Variants in R3HCC1L observed in about 807,000 individuals in gnomAD.
R3HCC1L encodes the protein coiled-coil domain-containing protein R3HCC1L.
R3HCC1L carries 51 observed loss-of-function variants against 59.9 expected under a neutral mutation model. That is an observed-to-expected ratio of 0.85 (90% confidence interval 0.68 to 1.07). The LOEUF is 1.07. Ranked by LOEUF, R3HCC1L falls within the 50% of genes least tolerant of loss-of-function variation. The probability of loss-of-function intolerance (pLI) is 0.00; values close to 1 mark genes in which losing one functional copy is unlikely to be tolerated. For missense variants in R3HCC1L, 965 were observed against 933.0 expected, an observed-to-expected ratio of 1.03 and a Z score of -0.45; for synonymous variants, 322 against 315.2, an observed-to-expected ratio of 1.02 and a Z score of -0.23.
At chr10:98,138,008 T>TGATG (rs1433367580) in intron 1 of R3HCC1L, among the ~76,000 whole-genome samples, 2 of 152,218 alleles carry the variant, frequency 1.3e-5, no homozygotes, top group Non-Finnish European at 2.9e-5. Context: ...CTGATGCTAA[T>TGATG]GATGGCATTG....
intron 1 of R3HCC1L, among the ~76,000 whole-genome samples, chr10:98,136,149 A>C (rs1437514266): frequency 6.6e-6 from 1 of 151,742 alleles, no homozygotes; most frequent in Non-Finnish European, 1.5e-5. Context: ...CACTGTGCCC[A>C]CTGTGCCCGA....
chr10:98,167,811 G>C (rs1590512286), intron 4 of R3HCC1L, among the ~76,000 whole-genome samples: 1 of 152,328 alleles, frequency 6.6e-6, no homozygotes, highest in East Asian at 1.9e-4. Flanking sequence ...CTACCTCTTA[G>C]TATTGTAGTT....
intron 4 of R3HCC1L, among the ~76,000 whole-genome samples, chr10:98,176,357 T>A (rs1564649433): frequency 1.3e-5 from 2 of 152,198 alleles, no homozygotes. Context: ...TGGGGAGAAT[T>A]GATATCTTAA....
intron 4 of R3HCC1L, among the ~76,000 whole-genome samples, chr10:98,180,711 C>T (rs1231498740): frequency 6.6e-6 from 1 of 152,116 alleles, no homozygotes; most frequent in Admixed American, 6.5e-5. Context: ...TCTCTAAGTA[C>T]TTGCTTTATG....
rs1590868373 is a variant in R3HCC1L, at chr10:98,244,212, T to C, written c.*54T>C. ...TGAATCAGAAAATGTTTCCATAGCC[T>C]TCAGATAAGATGATCCTTCCAGAGC... is the stretch of plus-strand genomic sequence containing the variant. On this transcript the variant is annotated 3_prime_UTR_variant, in exon 10 of 10. Coordinates refer to ENST00000298999, the MANE Select transcript of R3HCC1L (RefSeq NM_001351015.2). The C allele has an allele frequency of 3.9e-5, 59 of 1,527,814 alleles. 1 individual carries two copies. The South Asian group carries it at 6.6e-4, about 17-fold the overall frequency. The allele number at this position is 1,527,814 out of a possible 1,614,324, so 94.6% of individuals were successfully genotyped here. A position where few individuals can be genotyped will look rare whatever the true frequency, so the allele number is the denominator to read the frequency against.
intron 5 of R3HCC1L, among the ~76,000 whole-genome samples, chr10:98,211,136 C>T (rs1853517617): frequency 6.6e-6 from 1 of 152,138 alleles, no homozygotes; most frequent in Admixed American, 6.6e-5. Context: ...CCTTGAATTA[C>T]ATGCAAAATT....
chr10:98,200,703 A>G (rs1851941249), intron 4 of R3HCC1L, among the ~76,000 whole-genome samples: 1 of 152,216 alleles, frequency 6.6e-6, no homozygotes, highest in Non-Finnish European at 1.5e-5. Flanking sequence ...AAGGGGACAT[A>G]TAGCAGAGCT....
At chr10:98,179,818 C>T (rs1849450925) in intron 4 of R3HCC1L, among the ~76,000 whole-genome samples, 1 of 152,074 alleles carries the variant, frequency 6.6e-6, no homozygotes, top group Non-Finnish European at 1.5e-5. Flanking sequence ...AGGAATTTAT[C>T]CATTTCTTCT....
intron 1 of R3HCC1L, among the ~76,000 whole-genome samples, chr10:98,151,282 C>A (rs1223321050): frequency 6.6e-6 from 1 of 152,140 alleles, no homozygotes; most frequent in Non-Finnish European, 1.5e-5. Context: ...AGGCTGGGTT[C>A]TGGAGACCTA....
chr10:98,237,958 C>T (rs1409498359), intron 9 of R3HCC1L, among the ~76,000 whole-genome samples: 1 of 152,086 alleles, frequency 6.6e-6, no homozygotes, highest in East Asian at 1.9e-4. Flanking sequence ...TCTGTGTGAC[C>T]TTGAGAGGGT....
chr10:98,216,058 A>T (rs974120038), intron 5 of R3HCC1L, among the ~76,000 whole-genome samples: 1 of 152,180 alleles, frequency 6.6e-6, no homozygotes, highest in Admixed American at 6.5e-5. Context: ...TCACTATCAG[A>T]AGTTTAGATG....
At chr10:98,216,982 A>G (rs7078393) in intron 5 of R3HCC1L, among the ~76,000 whole-genome samples, 48,723 of 152,064 alleles carry the variant, frequency 0.32, 7,996 homozygotes, top group East Asian at 0.48. Flanking sequence ...AGTTTGCAAG[A>G]TAATATGTTC....
At chr10:98,167,780 G>GT (rs1284952346) in intron 4 of R3HCC1L, among the ~76,000 whole-genome samples, 1 of 152,206 alleles carries the variant, frequency 6.6e-6, no homozygotes, top group Non-Finnish European at 1.5e-5. Context: ...TTTTTCATCT[G>GT]TAAAGTTGGG....
intron 4 of R3HCC1L, among the ~76,000 whole-genome samples, chr10:98,200,177 C>T (rs1046951618): frequency 1.3e-5 from 2 of 152,016 alleles, no homozygotes; most frequent in African/African-American, 4.8e-5. Flanking sequence ...TTTTCATAGA[C>T]TTCATGAAAT....
At chr10:98,153,335 A>G (rs1846465351) in intron 1 of R3HCC1L, among the ~76,000 whole-genome samples, 1 of 152,162 alleles carries the variant, frequency 6.6e-6, no homozygotes, top group Admixed American at 6.5e-5. Flanking sequence ...TCTCTGAAAC[A>G]TGTGCTGTGT....
chr10:98,172,158 T>C (rs1178360407), intron 4 of R3HCC1L, among the ~76,000 whole-genome samples: 1 of 152,200 alleles, frequency 6.6e-6, no homozygotes, highest in African/African-American at 2.4e-5. Context: ...CTAGGTTGTT[T>C]GATGATTCTA....
In R3HCC1L at chr10:98,200,952, G is replaced by A. The variant is rs145530434; in HGVS notation, c.-14-7149G>A. ...TATAAATCTTTAACTTACATAGTGT[G>A]TCTTGCAGTAACCTTGGTAACCCAA... On this transcript the variant is annotated intron_variant, in intron 4 of 9. Coordinates refer to ENST00000298999, the MANE Select transcript of R3HCC1L (RefSeq NM_001351015.2). Among the ~76,000 whole-genome samples, 203 of 152,274 alleles carry A rather than the reference G, an allele frequency of 1.3e-3. 2 individuals carry two copies. Among genetic ancestry groups the A allele is most frequent in the African/African-American group, 4.5e-3 (188 of 41,552 alleles).
chr10:98,215,974 C>G (rs1232222064), intron 5 of R3HCC1L, among the ~76,000 whole-genome samples: 1 of 152,088 alleles, frequency 6.6e-6, no homozygotes, highest in African/African-American at 2.4e-5. Flanking sequence ...GAAGACAGAA[C>G]ATGAGCAGAA....
chr10:98,231,124 C>A, intron 5 of R3HCC1L: 1 of 346,534 alleles, frequency 2.9e-6, no homozygotes, highest in Non-Finnish European at 5.6e-6. Context: ...TGAGCCTGGT[C>A]AGTAAGCTCA....
Sources: allele counts gnomAD v4.1 joint callset (sites outside exome capture counted in the v4.1 genomes callset), GRCh38; gene constraint gnomAD v4.1.1; transcripts MANE v1.5; gene names NCBI Gene and HGNC (gene_info 2026-07-23, HGNC 2026-07-21).